ST13: variants seen among roughly 807,000 people sequenced by gnomAD.
The protein encoded by ST13 is hsc70-interacting protein.
ST13 carries 23 observed loss-of-function variants against 56.7 expected under a neutral mutation model. The ratio of observed to expected loss-of-function variants is 0.41; its 90% confidence interval spans 0.29 to 0.57. ST13 has a LOEUF of 0.57. Ranked by LOEUF, ST13 falls within the 20% of genes least tolerant of loss-of-function variation. ST13 has a pLI of 0.36. For synonymous variants in ST13, 132 were observed against 142.4 expected, an observed-to-expected ratio of 0.93 and a Z score of 0.52; for missense variants, 369 against 459.9, an observed-to-expected ratio of 0.80 and a Z score of 1.81.
At chr22:40,829,058 G>A (rs569168994) in intron 10 of ST13, among the ~76,000 whole-genome samples, 1 of 152,288 alleles carries the variant, frequency 6.6e-6, no homozygotes, top group South Asian at 2.1e-4. Context: ...CAAACAGCAG[G>A]TCATCCTCAA....
chr22:40,848,304 T>A lies in ST13; in HGVS notation c.234A>T (p.Glu78Asp). 6.2e-7 allele frequency: 1 copy of A among 1,612,974 alleles called. No individual in the cohort carries two copies. Among genetic ancestry groups the A allele is most frequent in the Non-Finnish European group, 8.5e-7 (1 of 1,179,052 alleles). The change falls in exon 3 of 12, where the codon GAA becomes GAT. Residue 78 changes from glutamate (E) to aspartate (D), a missense_variant. Glu to Asp is a conservative substitution (Grantham distance 45). Around this residue, in one of 3 missense-constraint regions of ST13, gnomAD observed 169 missense variants for 175.6 expected, o/e 0.96. Transcript: ENST00000216218. Reference protein sequence around the residue: ...DLKADEPSSEESDLEIDKEGV... With the variant: ...DLKADEPSSEDSDLEIDKEGV... ...CTACCGTCTCCTCACCTAGATCACT[T>A]TCCTCACTTGATGGTTCGTCTGCCT...
intron 5 of ST13, among the ~76,000 whole-genome samples, chr22:40,839,029 A>C (rs1236926556): frequency 6.6e-6 from 1 of 152,184 alleles, no homozygotes; most frequent in Admixed American, 6.5e-5. Context: ...GATCTTAAAT[A>C]TATATGCAAA....
intron 5 of ST13, among the ~76,000 whole-genome samples, chr22:40,839,140 A>C (rs139611587): frequency 4.7e-4 from 72 of 152,326 alleles, no homozygotes; most frequent in African/African-American, 1.7e-3. Context: ...TTTTTCAGGA[A>C]GGTAAACTAT....
chr22:40,847,326 G>C (rs2057837040), intron 3 of ST13, among the ~76,000 whole-genome samples: 1 of 151,426 alleles, frequency 6.6e-6, no homozygotes. Flanking sequence ...CTGAGATCAG[G>C]AGTTCAAGAC....
At chr22:40,855,204 C>T (rs572885785) in intron 1 of ST13, among the ~76,000 whole-genome samples, 2 of 152,302 alleles carry the variant, frequency 1.3e-5, no homozygotes, top group East Asian at 3.9e-4. Flanking sequence ...GCCTGTAATA[C>T]CACCACTTTG....
In ST13 at chr22:40,844,484, C is replaced by T. The variant is rs190750808; in HGVS notation, c.315+355G>A. ...TTTTTTTAAGCCCTCCTCCCAAGAA[C>T]CAATTTTCACTCCCTTGAGGGCCTG... On this transcript the variant is annotated intron_variant, in intron 4 of 11. Coordinates refer to ENST00000216218, the MANE Select transcript of ST13 (RefSeq NM_003932.5). Among the ~76,000 whole-genome samples the T allele has an allele frequency of 2.4e-3, 371 of 152,154 alleles. 2 individuals carry two copies. The highest frequency in any genetic ancestry group is 4.5e-3 in the Non-Finnish European group (307 of 68,012).
At chr22:40,837,623 G>GCAACAAGAC (rs2057784191) in intron 5 of ST13, among the ~76,000 whole-genome samples, 1 of 152,076 alleles carries the variant, frequency 6.6e-6, no homozygotes, top group African/African-American at 2.4e-5. Context: ...TCCAGTCTGG[G>GCAACAAGAC]CAACAAGACT....
Position 40,845,290 on chromosome 22 carries a change from G to A in ST13, c.245-381C>T, listed in dbSNP as rs2145745033. On this transcript the variant is annotated intron_variant, in intron 3 of 11. Coordinates refer to ENST00000216218, the MANE Select transcript of ST13 (RefSeq NM_003932.5). ...TTCAAAAATATGCAGGTAAGCTACAGTGATACTTCAACGTAAATCAAAATA... is the reference window on the plus strand; with the variant it reads ...TTCAAAAATATGCAGGTAAGCTACAATGATACTTCAACGTAAATCAAAATA... Among the ~76,000 whole-genome samples, 4 of 152,252 alleles carry A rather than the reference G, an allele frequency of 2.6e-5. No homozygotes were observed. In the Middle Eastern group the frequency reaches 0.014, roughly 518 times the overall value.
chr22:40,831,851 T>C (rs908902745), intron 8 of ST13, among the ~76,000 whole-genome samples: 2 of 152,184 alleles, frequency 1.3e-5, no homozygotes, highest in South Asian at 2.1e-4. Flanking sequence ...TTTTAAAAGA[T>C]TGAAACTTCT....
chr22:40,843,884 A>AT (rs11308730), intron 4 of ST13, among the ~76,000 whole-genome samples: 1,903 of 143,966 alleles, frequency 0.013, 34 homozygotes, highest in African/African-American at 0.043. Flanking sequence ...AGGAAAATGC[A>AT]TTTTTTTTTT....
At chr22:40,845,544 G>C (rs1224868929) in intron 3 of ST13, among the ~76,000 whole-genome samples, 1 of 152,030 alleles carries the variant, frequency 6.6e-6, no homozygotes, top group Non-Finnish European at 1.5e-5. Flanking sequence ...GCAGAATCAA[G>C]TACCAAGGCT....
chr22:40,828,822 T>TGCCC (rs2057740914), intron 10 of ST13, among the ~76,000 whole-genome samples: 1 of 152,198 alleles, frequency 6.6e-6, no homozygotes, highest in Non-Finnish European at 1.5e-5. Context: ...TTTCTCTTGC[T>TGCCC]GCCCCTACTT....
chr22:40,847,360 G>A (rs2057837240), intron 3 of ST13, among the ~76,000 whole-genome samples: 2 of 150,724 alleles, frequency 1.3e-5, no homozygotes, highest in Non-Finnish European at 2.9e-5. Flanking sequence ...ATGGCAACAT[G>A]GCAAAACCCT....
Position 40,825,277 on chromosome 22 carries a change from T to C in ST13, c.*1261A>G, listed in dbSNP as rs1157877114. The C allele has an allele frequency of 6.6e-6, 1 of 152,166 alleles. No individual in the cohort carries two copies. The highest frequency in any genetic ancestry group is 2.4e-5 in the African/African-American group (1 of 41,424). 9.4% of individuals were successfully genotyped at this position (152,166 alleles called of 1,614,324 possible). The stretch of plus-strand genomic sequence containing the variant: ...TCAACAACTCCACAATGAATAACTG[T>C]GGATTATCTCATTTATAATTCACAT... On this transcript the variant is annotated 3_prime_UTR_variant, in exon 12 of 12. Coordinates refer to ENST00000216218, the MANE Select transcript of ST13 (RefSeq NM_003932.5).
At chr22:40,830,327 A>C (rs1399014977) in intron 9 of ST13, among the ~76,000 whole-genome samples, 2 of 152,174 alleles carry the variant, frequency 1.3e-5, no homozygotes, top group Non-Finnish European at 2.9e-5. Context: ...ATAATGTTAG[A>C]AATAAGTAGG....
At chr22:40,839,998 A>T (rs2057795341) in intron 5 of ST13, among the ~76,000 whole-genome samples, 1 of 151,570 alleles carries the variant, frequency 6.6e-6, no homozygotes. Context: ...AAAATACAAA[A>T]AATTAGCTGG....
intron 3 of ST13, among the ~76,000 whole-genome samples, chr22:40,845,844 A>T (rs2057828436): frequency 6.6e-6 from 1 of 152,274 alleles, no homozygotes; most frequent in African/African-American, 2.4e-5. Flanking sequence ...TAAAATCAGA[A>T]TTACTGTCCA....
intron 1 of ST13, among the ~76,000 whole-genome samples, chr22:40,854,368 C>A (rs777530009): frequency 1.3e-5 from 2 of 152,142 alleles, no homozygotes; most frequent in Non-Finnish European, 1.5e-5. Context: ...AGAATAAAGT[C>A]CCTACATATG....
intron 5 of ST13, 72 bp from the exon 6 acceptor site, chr22:40,835,959 T>A: frequency 3.5e-6 from 4 of 1,137,884 alleles, no homozygotes; most frequent in Non-Finnish European, 5.0e-6. Flanking sequence ...TGATCTGTTA[T>A]CCAGTTAAGT....
Sources: allele counts gnomAD v4.1 joint callset (sites outside exome capture counted in the v4.1 genomes callset), GRCh38; gene constraint gnomAD v4.1.1; regional missense constraint gnomAD v4.1.1; transcripts MANE v1.5; gene names NCBI Gene and HGNC (gene_info 2026-07-23, HGNC 2026-07-21).